The following GPCPD1 variants were observed in gnomAD, a reference collection of about 807,000 sequenced individuals.
The protein encoded by GPCPD1 is glycerophosphocholine phosphodiesterase 1.
Under a neutral mutation model 89.2 loss-of-function variants are expected in GPCPD1, and 29 were observed. The ratio of observed to expected loss-of-function variants is 0.33; its 90% CI spans 0.24 to 0.44. The LOEUF is 0.44. GPCPD1 is among the 20% of genes least tolerant of loss of function. The probability of loss-of-function intolerance (pLI) is 1.00; values close to 1 mark genes in which losing one functional copy is unlikely to be tolerated. For synonymous variants in GPCPD1, 258 were observed against 266.3 expected, an observed-to-expected ratio of 0.97 and a Z score of 0.30; for missense variants, 594 against 808.9, an observed-to-expected ratio of 0.73 and a Z score of 3.22.
chr20:5,556,276 C>A (rs923976427), intron 19 of GPCPD1, among the ~76,000 whole-genome samples: 2 of 152,084 alleles, frequency 1.3e-5, no homozygotes, highest in Non-Finnish European at 2.9e-5. Flanking sequence ...GGCGCGATCT[C>A]GGCTCACTGC....
In GPCPD1 at chr20:5,593,193, A is replaced by G. The variant is rs1979454163; in HGVS notation, c.231+134T>C. On this transcript the variant is annotated intron_variant, in intron 4 of 19. Transcript: ENST00000379019. ...AGTGGCTACTTCCTTGGTTTTGGTA[A>G]ATTTTATTAATCAAGAGTTCTATTC... 4 of 542,250 alleles carry G rather than the reference A, an allele frequency of 7.4e-6. No homozygotes were observed. In the Admixed American group the frequency reaches 9.6e-5, roughly 13 times the overall value. 33.6% of individuals were successfully genotyped at this position (542,250 alleles called of 1,614,324 possible).
rs905796463 is a variant in GPCPD1 at position 5,559,927 on chromosome 20, G to C, written c.1532+13C>G. ...TTCTAAGAGTATAGGAAAAAATACA[G>C]AGTATTACTCACATTGTGCAAATAT... On this transcript the variant is annotated intron_variant, in intron 17 of 19. Transcript: ENST00000379019. 5 of 1,442,498 alleles carry C rather than the reference G, an allele frequency of 3.5e-6. No homozygotes were observed. The highest frequency in any genetic ancestry group is 4.7e-6 in the Non-Finnish European group (5 of 1,068,790). The allele number at this position is 1,442,498 out of a possible 1,614,324, so 89.4% of individuals were successfully genotyped here.
At chr20:5,606,332 T>C (rs1306021062) in intron 1 of GPCPD1, among the ~76,000 whole-genome samples, 1 of 150,992 alleles carries the variant, frequency 6.6e-6, no homozygotes, top group African/African-American at 2.4e-5. Flanking sequence ...AGAATTCCAA[T>C]CACATCTTTA....
intron 6 of GPCPD1, among the ~76,000 whole-genome samples, chr20:5,581,510 C>T (rs1978482117): frequency 6.6e-6 from 1 of 152,150 alleles, no homozygotes; most frequent in African/African-American, 2.4e-5. Context: ...AGTTATGCCA[C>T]TAGTGCCGGG....
intron 3 of GPCPD1, 71 bp from the exon 4 acceptor site, chr20:5,593,482 C>T: frequency 1.3e-6 from 1 of 798,890 alleles, no homozygotes. Context: ...TCTTAATTCA[C>T]AAAACTCCTC....
intron 17 of GPCPD1, among the ~76,000 whole-genome samples, chr20:5,559,585 A>ATT (rs11459602): frequency 3.4e-4 from 51 of 151,986 alleles, no homozygotes; most frequent in African/African-American, 9.2e-4. Flanking sequence ...CTCAAAAACA[A>ATT]TTTTTTTTAA....
chr20:5,572,403 T>C (rs1221677558), intron 11 of GPCPD1, among the ~76,000 whole-genome samples: 1 of 152,210 alleles, frequency 6.6e-6, no homozygotes, highest in Non-Finnish European at 1.5e-5. Flanking sequence ...TGCATTATTT[T>C]ATATACCACT....
chr20:5,573,389 A>G (rs1477406534), intron 11 of GPCPD1, among the ~76,000 whole-genome samples: 1 of 152,152 alleles, frequency 6.6e-6, no homozygotes, highest in East Asian at 1.9e-4. Flanking sequence ...CCCAGCCAGC[A>G]TTCTTTTTTG....
At chr20:5,590,929 A>G (rs954297792) in intron 4 of GPCPD1, among the ~76,000 whole-genome samples, 10 of 152,286 alleles carry the variant, frequency 6.6e-5, no homozygotes, top group African/African-American at 2.2e-4. Flanking sequence ...TGAAGGAAAA[A>G]TTTCAAAGGA....
chr20:5,548,837 C>T (rs1221029131), intron 19 of GPCPD1: 8 of 763,568 alleles, frequency 1.0e-5, no homozygotes, highest in East Asian at 4.2e-5. Flanking sequence ...TGTAAGACGG[C>T]GGACTGTCAA....
chr20:5,600,161 T>G (rs914003232), intron 2 of GPCPD1, among the ~76,000 whole-genome samples: 1 of 152,228 alleles, frequency 6.6e-6, no homozygotes, highest in Admixed American at 6.5e-5. Context: ...AGACTAGAAT[T>G]GTACTCAGCT....
intron 18 of GPCPD1, among the ~76,000 whole-genome samples, 189 bp from the exon 19 acceptor site, chr20:5,558,294 TAATA>T (rs1985891187): frequency 6.6e-6 from 1 of 152,160 alleles, no homozygotes; most frequent in South Asian, 2.1e-4. Flanking sequence ...CACAATATAT[TAATA>T]TATACATAAT....
intron 19 of GPCPD1, chr20:5,548,442 C>T (rs1016727159): frequency 2.6e-5 from 4 of 152,170 alleles, no homozygotes; most frequent in African/African-American, 4.8e-5. Context: ...TTTATGACAT[C>T]ACAGTAGGAA....
At chr20:5,579,282 A>G (rs907866842) in intron 7 of GPCPD1, among the ~76,000 whole-genome samples, 3 of 152,232 alleles carry the variant, frequency 2.0e-5, no homozygotes, top group African/African-American at 7.2e-5. Flanking sequence ...AAAATTTAGA[A>G]CACTGAAGAA....
At chr20:5,604,611 C>CGGGGGG (rs1209127849) in intron 1 of GPCPD1, among the ~76,000 whole-genome samples, 171 bp from the exon 2 acceptor site, 3 of 6,206 alleles carry the variant, frequency 4.8e-4, no homozygotes, top group Non-Finnish European at 1.3e-3. Context: ...AACTTTAGTG[C>CGGGGGG]GGGGGGGGGG....
intron 1 of GPCPD1, among the ~76,000 whole-genome samples, chr20:5,610,090 C>T (rs1000836509): frequency 1.3e-5 from 2 of 152,194 alleles, no homozygotes; most frequent in African/African-American, 4.8e-5. Context: ...GAAGAATCCT[C>T]TACAATTCAT....
chr20:5,546,778 TACAA>T lies in GPCPD1; in HGVS notation c.*879_*882del, dbSNP rs998480343. On this transcript the variant is annotated 3_prime_UTR_variant, in exon 20 of 20. Coordinates refer to ENST00000379019, the MANE Select transcript of GPCPD1 (RefSeq NM_019593.5). ...ACAAAATAAGCATATTTAAAACGCCTACAAACAGCCTTTTTTTTTTAGGCAACAA... is the reference window on the plus strand; with the variant it reads ...ACAAAATAAGCATATTTAAAACGCCTACAGCCTTTTTTTTTTAGGCAACAA... 3 of 150,500 alleles carry T rather than the reference TACAA, an allele frequency of 2.0e-5. No homozygotes were observed. Among genetic ancestry groups the T allele is most frequent in the African/African-American group, 7.5e-5 (3 of 39,756 alleles). The allele number at this position is 150,500 out of a possible 1,614,324, so 9.3% of individuals were successfully genotyped here. A position where few individuals can be genotyped will look rare whatever the true frequency, so the allele number is the denominator to read the frequency against.
chr20:5,586,022 A>G (rs1179757474), intron 5 of GPCPD1, 172 bp downstream of exon 5: 1 of 436,500 alleles, frequency 2.3e-6, no homozygotes, highest in Non-Finnish European at 4.1e-6. Flanking sequence ...TTAAGAGGCA[A>G]TTAAAAACTG....
chr20:5,579,378 CAG>C (rs1045244208), intron 7 of GPCPD1, among the ~76,000 whole-genome samples: 1 of 151,998 alleles, frequency 6.6e-6, no homozygotes, highest in Non-Finnish European at 1.5e-5. Context: ...TTTTTTGAGA[CAG>C]AGTCTCGCTC....
Sources: allele counts gnomAD v4.1 joint callset (sites outside exome capture counted in the v4.1 genomes callset), GRCh38; gene constraint gnomAD v4.1.1; transcripts MANE v1.5; gene names NCBI Gene and HGNC (gene_info 2026-07-23, HGNC 2026-07-21).